LINGO3: variants seen among roughly 807,000 people sequenced by gnomAD.
LINGO3 encodes leucine rich repeat and Ig domain containing 3.
For missense variants in LINGO3, 750 were observed against 867.7 expected, an observed-to-expected ratio of 0.86 and a Z score of 1.70; for synonymous variants, 427 against 444.2, an observed-to-expected ratio of 0.96 and a Z score of 0.49.
In LINGO3 at chr19:2,290,366, G is replaced by GCGCGTCCTGGATCTCCAGCGTCCC. The variant is rs1265868938; in HGVS notation, c.1387_1410dup (p.Gly463_Ala470dup). ...GTGTAGGTGCCGCTGTCCTGCGGCC[G>GCGCGTCCTGGATCTCCAGCGTCCC]CGCGTCCTGGATCTCCAGCGTCCCC... On this transcript the variant is annotated inframe_insertion, in exon 1 of 1. Coordinates refer to ENST00000585527, the Ensembl canonical transcript of LINGO3. The surrounding 1 kb of genome is among the most constrained non-coding windows in gnomAD (Gnocchi z 6.0). 2 of 1,490,358 alleles carry GCGCGTCCTGGATCTCCAGCGTCCC rather than the reference G, an allele frequency of 1.3e-6. No individual in the cohort carries two copies. Among genetic ancestry groups the GCGCGTCCTGGATCTCCAGCGTCCC allele is most frequent in the Non-Finnish European group, 1.8e-6 (2 of 1,128,690 alleles). 92.3% of individuals were successfully genotyped at this position (1,490,358 alleles called of 1,614,324 possible). A position where few individuals can be genotyped will look rare whatever the true frequency, so the allele number is the denominator to read the frequency against.
the LINGO3 span, among the ~76,000 whole-genome samples, chr19:2,297,070 C>A: frequency 1.3e-5 from 2 of 151,090 alleles, no homozygotes; most frequent in East Asian, 2.1e-4. Flanking sequence ...CCAACCTGGG[C>A]GACAGAGCGA....
chr19:2,287,899 G>A (rs1331960899), downstream of LINGO3, among the ~76,000 whole-genome samples: 2 of 152,218 alleles, frequency 1.3e-5, no homozygotes, highest in Non-Finnish European at 2.9e-5. This position sits in a 1 kb window ranked among gnomAD's most constrained non-coding sequence, Gnocchi z 4.5. Flanking sequence ...TTGGTTGGCA[G>A]CCAAGCCCCT....
At chr19:2,301,011 C>T in the LINGO3 span, among the ~76,000 whole-genome samples, 2 of 151,552 alleles carry the variant, frequency 1.3e-5, no homozygotes, top group Middle Eastern at 3.4e-3. Flanking sequence ...TACCAAATGT[C>T]CCCTGGGAGC....
the LINGO3 span, among the ~76,000 whole-genome samples, chr19:2,306,201 G>A: frequency 6.6e-6 from 1 of 152,230 alleles, no homozygotes; most frequent in Admixed American, 6.5e-5. Flanking sequence ...GAGACTGAGG[G>A]TCAGAGTGGG....
At chr19:2,296,439 C>T (rs946512929), upstream of LINGO3, among the ~76,000 whole-genome samples, 5 of 151,916 alleles carry the variant, frequency 3.3e-5, no homozygotes, top group African/African-American at 7.3e-5. Context: ...GAGATCGCGC[C>T]GCTGCACTCT....
At chr19:2,292,435 A>C (rs2025534207), upstream of LINGO3, among the ~76,000 whole-genome samples, 1 of 145,038 alleles carries the variant, frequency 6.9e-6, no homozygotes, top group African/African-American at 2.5e-5. Context: ...AGCAGCATTG[A>C]TCCACCGTGT....
At chr19:2,301,590 C>T in the LINGO3 span, among the ~76,000 whole-genome samples, 1 of 152,066 alleles carries the variant, frequency 6.6e-6, no homozygotes, top group Non-Finnish European at 1.5e-5. Context: ...CAGAGACGGA[C>T]GGCGACGTGC....
the LINGO3 span, among the ~76,000 whole-genome samples, chr19:2,299,974 C>T: frequency 4.7e-5 from 7 of 149,622 alleles, no homozygotes; most frequent in African/African-American, 7.3e-5. Flanking sequence ...CCACCGGCCT[C>T]GGCCTCCCAA....
chr19:2,292,228 A>C (rs1467631848), upstream of LINGO3, among the ~76,000 whole-genome samples: 1 of 149,178 alleles, frequency 6.7e-6, no homozygotes, highest in Non-Finnish European at 1.5e-5. Context: ...GTTTTCAAGT[A>C]ATTGTGAAAT....
chr19:2,296,119 T>C (rs1284657955), upstream of LINGO3, among the ~76,000 whole-genome samples: 1 of 152,156 alleles, frequency 6.6e-6, no homozygotes, highest in Non-Finnish European at 1.5e-5. Flanking sequence ...TTTTTCTGGG[T>C]CATTCTCTCC....
upstream of LINGO3, among the ~76,000 whole-genome samples, chr19:2,294,759 C>A (rs2025558084): frequency 6.6e-6 from 1 of 152,024 alleles, no homozygotes; most frequent in Non-Finnish European, 1.5e-5. This position sits in a 1 kb window ranked among gnomAD's most constrained non-coding sequence, Gnocchi z 4.3. Flanking sequence ...CCTGCTGCAC[C>A]CTTACCAGCT....
At chr19:2,291,461 C>T (rs764324261) in exon 1 of LINGO3, 17 of 1,612,870 alleles carry the variant, frequency 1.1e-5, no homozygotes, top group Middle Eastern at 1.6e-4. Flanking sequence ...AGACGCAGGA[C>T]GCGCAGGCGC....
chr19:2,290,881 A>G lies in LINGO3; in HGVS notation c.896T>C (p.Leu299Pro). Residue 299 changes from leucine (L) to proline (P), a missense_variant, in exon 1 of 1, where the codon CTG (leucine) becomes CCG (proline). Leu to Pro is a moderately conservative substitution (Grantham distance 98). Coordinates refer to ENST00000585527, the Ensembl canonical transcript of LINGO3. This position sits in a 1 kb window ranked among gnomAD's most constrained non-coding sequence, Gnocchi z 6.0. ...AGCCAGCAGGGCCCCGGCCAGGTGCAGCTCGCGCAGGCGGACCAGGTCCCG... is the reference window on the plus strand; with the variant it reads ...AGCCAGCAGGGCCCCGGCCAGGTGCGGCTCGCGCAGGCGGACCAGGTCCCG... 6.2e-7 allele frequency: 1 copy of G among 1,611,142 alleles called. No individual in the cohort carries two copies. The highest frequency in any genetic ancestry group is 8.5e-7 in the Non-Finnish European group (1 of 1,179,052).
downstream of LINGO3, chr19:2,289,770 G>A (rs550039063): frequency 7.7e-6 from 3 of 387,704 alleles, no homozygotes; most frequent in East Asian, 5.0e-5. Context: ...AGCCACCATA[G>A]CAGGGACAGG....
Position 2,290,777 on chromosome 19 carries a change from C to G in LINGO3, c.1000G>C (p.Glu334Gln). ...TTCACCGAGTGGAAGGTGCTCTCCT[C>G]CAACGTGGAGAGCAGGTTGTTGGAG... Residue 334 changes from glutamate to glutamine, a missense_variant, in exon 1 of 1, where the codon GAG becomes CAG. Transcript: ENST00000585527. The surrounding 1 kb of genome is among the most constrained non-coding windows in gnomAD (Gnocchi z 6.0). 1 of 1,612,706 alleles carries G rather than the reference C, an allele frequency of 6.2e-7. No homozygotes were observed. Among genetic ancestry groups the G allele is most frequent in the East Asian group, 2.2e-5 (1 of 44,852 alleles).
chr19:2,300,626 C>A, the LINGO3 span, among the ~76,000 whole-genome samples: 2 of 152,036 alleles, frequency 1.3e-5, no homozygotes, highest in Non-Finnish European at 2.9e-5. Context: ...AGCGTAACCC[C>A]GGCCACGCGG....
Position 2,290,071 on chromosome 19 carries a change from AAGG to A in LINGO3, c.1703_1705del (p.Ser568del). 15 of 1,568,158 alleles carry A rather than the reference AAGG, an allele frequency of 9.6e-6. No individual in the cohort carries two copies. The highest frequency in any genetic ancestry group is 1.3e-5 in the Non-Finnish European group (15 of 1,158,130). ...GGCGGCCGGCCCATCCACCTTGCGG[AAGG>A]AGTACTCCACCGAGAAGTTGTTTTT... is the stretch of plus-strand genomic sequence containing the variant. On this transcript the variant is annotated inframe_deletion, in exon 1 of 1. Coordinates refer to ENST00000585527, the Ensembl canonical transcript of LINGO3. The surrounding 1 kb of genome is among the most constrained non-coding windows in gnomAD (Gnocchi z 6.0).
At chr19:2,292,484 TTGTTTG>T (rs771937512), upstream of LINGO3, among the ~76,000 whole-genome samples, 4 of 151,632 alleles carry the variant, frequency 2.6e-5, no homozygotes, top group Non-Finnish European at 5.9e-5. Context: ...TTGTTTTGTT[TTGTTTG>T]TGTTTGTTTG....
chr19:2,297,114 G>T, the LINGO3 span, among the ~76,000 whole-genome samples: 4 of 151,352 alleles, frequency 2.6e-5, no homozygotes, highest in Admixed American at 6.6e-5. Context: ...AAAAGAAGAA[G>T]AATAAAGTAA....
Sources: gnomAD v4.1 joint callset for allele counts (sites outside exome capture counted in the v4.1 genomes callset) on GRCh38, gnomAD v4.1.1 for gene constraint, Gnocchi (gnomAD v3.1) non-coding constraint, MANE v1.5 for transcripts, NCBI Gene and HGNC (gene_info 2026-07-23, HGNC 2026-07-21) for gene names.